TBC1D24: variants seen among roughly 807,000 people sequenced by gnomAD.
TBC1D24 encodes Infantile myoclonic epilepsy.
TBC1D24 carries 47 observed loss-of-function variants against 50.7 expected under a neutral mutation model. The ratio of observed to expected loss-of-function variants is 0.93; its 90% CI spans 0.73 to 1.18. The LOEUF is 1.18. TBC1D24 is among the 50% of genes most tolerant of loss of function. The pLI is 0.00. For synonymous variants in TBC1D24, 324 were observed against 335.2 expected (o/e 0.97, Z 0.36); for missense variants, 688 against 766.5 (o/e 0.90, Z 1.21).
intron 1 of TBC1D24, chr16:2,478,655 C>G (rs374022041): frequency 2.6e-5 from 4 of 152,210 alleles, no homozygotes; most frequent in East Asian, 1.9e-4. Flanking sequence ...CTAATACAGT[C>G]TTAAAGTCAG....
In TBC1D24 at chr16:2,496,882, T is replaced by C. The variant is rs370477379; in HGVS notation, c.734T>C (p.Leu245Pro). Residue 245 changes from leucine (L) to proline (P), a missense_variant, in exon 2 of 8, where the codon CTG becomes CCG. Leu to Pro is a moderately conservative substitution (Grantham distance 98). Coordinates refer to ENST00000646147, the MANE Select transcript of TBC1D24 (RefSeq NM_001199107.2). ...EGYKVLYRVA[L>P]AILKFFHKVR... ...TACAAGGTGCTGTACCGCGTGGCGCTGGCCATCCTCAAGTTCTTCCACAAG... is the reference window on the plus strand; with the variant it reads ...TACAAGGTGCTGTACCGCGTGGCGCCGGCCATCCTCAAGTTCTTCCACAAG... The C allele has an allele frequency of 5.0e-6, 8 of 1,614,128 alleles. No homozygotes were observed. The highest frequency in any genetic ancestry group is 6.8e-6 in the Non-Finnish European group (8 of 1,180,046).
At chr16:2,497,226 C>G (rs2065751582) in intron 2 of TBC1D24, 113 bp downstream of exon 2, 1 of 1,408,818 alleles carries the variant, frequency 7.1e-7, no homozygotes, top group African/African-American at 1.4e-5. Context: ...CATGGTCCAC[C>G]CAGCCATCTG....
intron 1 of TBC1D24, chr16:2,484,290 C>T (rs1318195598): frequency 6.6e-6 from 1 of 152,320 alleles, no homozygotes; most frequent in Non-Finnish European, 1.5e-5. Flanking sequence ...TGGTGGTGCC[C>T]TGTCACTATC....
Position 2,499,455 on chromosome 16 carries a change from A to G in TBC1D24, c.1206+35A>G. The G allele has an allele frequency of 6.3e-7, 1 of 1,578,660 alleles. No individual in the cohort carries two copies. The highest frequency in any genetic ancestry group is 8.7e-7 in the Non-Finnish European group (1 of 1,154,274). On this transcript the variant is annotated intron_variant, in intron 5 of 7. Transcript: ENST00000646147. The surrounding 1 kb of genome is among the most constrained non-coding windows in gnomAD (Gnocchi z 4.0). Reference sequence around the variant, plus strand: ...GGCCCTGGAGCCAGGGCTGGCTCTGATGGGCTCCAGGGCTGGCTCTGATGG... The same window carrying G: ...GGCCCTGGAGCCAGGGCTGGCTCTGGTGGGCTCCAGGGCTGGCTCTGATGG...
At position 2,499,362 on chromosome 16, in the gene TBC1D24, A is replaced by G; in HGVS notation, c.1148A>G (p.Tyr383Cys). The change falls in exon 5 of 8, where the codon TAC (tyrosine) becomes TGC (cysteine). Residue 383 changes from tyrosine (Y) to cysteine (C), a missense_variant. Physicochemically the swap from Tyr to Cys is radical, Grantham distance 194 (BLOSUM62 -2). Coordinates refer to ENST00000646147, the MANE Select transcript of TBC1D24 (RefSeq NM_001199107.2). The surrounding 1 kb of genome is among the most constrained non-coding windows in gnomAD (Gnocchi z 4.0). The part of the protein sequence containing the change: ...LQHGYSLARF[Y>C]FQCEGHEPTL... ...CATGCGTGTCTCTACGCCAGGTTCT[A>G]CTTCCAGTGTGAAGGACATGAGCCT... 1 of 1,613,216 alleles carries G rather than the reference A, an allele frequency of 6.2e-7. No homozygotes were observed. The highest frequency in any genetic ancestry group is 8.5e-7 in the Non-Finnish European group (1 of 1,179,700).
At position 2,483,352 on chromosome 16, in the gene TBC1D24, A is replaced by C. The variant is rs2065624210; in HGVS notation, c.-116+8182A>C. The C allele has an allele frequency of 6.6e-6, 1 of 152,228 alleles. No individual in the cohort carries two copies. The highest frequency in any genetic ancestry group is 1.5e-5 in the Non-Finnish European group (1 of 68,096). The allele number at this position is 152,228 out of a possible 1,614,324, so 9.4% of individuals were successfully genotyped here. A position where few individuals can be genotyped will look rare whatever the true frequency, so the allele number is the denominator to read the frequency against. ...GTGCCTCGGGCTCACTTCCTCGTGC[A>C]GTTTATCCATATGGCTGAGACAGGA... On this transcript the variant is annotated intron_variant, in intron 1 of 7. Transcript: ENST00000646147. This position sits in a 1 kb window ranked among gnomAD's most constrained non-coding sequence, Gnocchi z 4.0.
Position 2,501,119 on chromosome 16 carries a change from C to T in TBC1D24, c.*161C>T. The T allele has an allele frequency of 2.2e-6, 2 of 925,582 alleles. No individual in the cohort carries two copies. The highest frequency in any genetic ancestry group is 3.2e-6 in the Non-Finnish European group (2 of 621,308). 57.3% of individuals were successfully genotyped at this position (925,582 alleles called of 1,614,324 possible). ...TGGCGTTGCCTGGACCTGCTGCTGC[C>T]TCTACCTGGGGTTTGGGCTGGGCTT... is the stretch of plus-strand genomic sequence containing the variant. On this transcript the variant is annotated 3_prime_UTR_variant, in exon 8 of 8. Coordinates refer to ENST00000646147, the MANE Select transcript of TBC1D24 (RefSeq NM_001199107.2).
Position 2,499,404 on chromosome 16 carries a change from A to T in TBC1D24, c.1190A>T (p.Lys397Met). 2.5e-6 allele frequency: 4 copies of T among 1,613,644 alleles called. No homozygotes were observed. The highest frequency in any genetic ancestry group is 3.4e-6 in the Non-Finnish European group (4 of 1,179,860). ...EGHEPTLLLIKTTQKEVCGAY... is the reference protein window; with the variant it reads ...EGHEPTLLLIMTTQKEVCGAY... ...CATGAGCCTACCCTCTTGCTCATCA[A>T]GACCACGCAGAAGGAGGTGAGCAGG... Residue 397 changes from lysine to methionine, a missense_variant, in exon 5 of 8, where the codon AAG becomes ATG. By Grantham distance (95) the Lys-to-Met change is moderately conservative. Transcript: ENST00000646147. This position sits in a 1 kb window ranked among gnomAD's most constrained non-coding sequence, Gnocchi z 4.0.
chr16:2,493,955 CT>C (rs1336755415), intron 1 of TBC1D24, among the ~76,000 whole-genome samples: 1 of 152,252 alleles, frequency 6.6e-6, no homozygotes, highest in Non-Finnish European at 1.5e-5. Flanking sequence ...CCAGCTCTCC[CT>C]CTGGAAAATG....
At chr16:2,489,869 G>A (rs917394738) in intron 1 of TBC1D24, among the ~76,000 whole-genome samples, 26 of 152,316 alleles carry the variant, frequency 1.7e-4, no homozygotes, top group African/African-American at 5.5e-4. Context: ...AGTAAATCCC[G>A]CAACAGAACA....
At chr16:2,497,625 T>C (rs989781819) in intron 2 of TBC1D24, 85 bp from the exon 3 acceptor site, 3 of 1,367,210 alleles carry the variant, frequency 2.2e-6, no homozygotes, top group Non-Finnish European at 3.0e-6. Flanking sequence ...AGCAAAGGCC[T>C]GTCGGGGGAT....
rs2065771868 is a variant in TBC1D24, at chr16:2,499,427, A to G, written c.1206+7A>G. On this transcript the variant is annotated splice_region_variant and intron_variant, in intron 5 of 7. Transcript: ENST00000646147. The surrounding 1 kb of genome is among the most constrained non-coding windows in gnomAD (Gnocchi z 4.0). ...CAAGACCACGCAGAAGGAGGTGAGC[A>G]GGGGCCCTGGAGCCAGGGCTGGCTC... The G allele has an allele frequency of 1.2e-6, 2 of 1,612,826 alleles. No individual in the cohort carries two copies. Among genetic ancestry groups the G allele is most frequent in the Admixed American group, 1.7e-5 (1 of 59,910 alleles).
chr16:2,498,422 G>A (rs1450330045), intron 4 of TBC1D24, 26 bp downstream of exon 4: 1 of 1,585,076 alleles, frequency 6.3e-7, no homozygotes, highest in Non-Finnish European at 8.6e-7. Context: ...GCCAGAGCGG[G>A]CGGCAGAGCC....
chr16:2,498,180 G>A (rs2065759580), intron 3 of TBC1D24, 58 bp from the exon 4 acceptor site: 3 of 1,546,110 alleles, frequency 1.9e-6, no homozygotes, highest in Non-Finnish European at 2.6e-6. Flanking sequence ...ATACCTCGGG[G>A]GGCATGGCCT....
Position 2,500,931 on chromosome 16 carries a change from G to C in TBC1D24, c.1653G>C (p.Trp551Cys). 6.2e-7 allele frequency: 1 copy of C among 1,612,164 alleles called. No homozygotes were observed. Among genetic ancestry groups the C allele is most frequent in the Non-Finnish European group, 8.5e-7 (1 of 1,179,936 alleles). ...TCCTCATTGCTGCCGTGGAGGCCTG[G>C]GGCTTCCAGGACCCTGACACCCAGT... ...ENFLIAAVEAWGFQDPDTQ is the reference protein window; with the variant it reads ...ENFLIAAVEACGFQDPDTQ The change falls in exon 8 of 8, where the codon TGG (tryptophan) becomes TGC (cysteine). Residue 551 changes from tryptophan (W) to cysteine (C), a missense_variant. Transcript: ENST00000646147. The surrounding 1 kb of genome is among the most constrained non-coding windows in gnomAD (Gnocchi z 8.0).
chr16:2,498,302 A>T lies in TBC1D24; in HGVS notation c.1048A>T (p.Met350Leu). Residue 350 changes from methionine to leucine, a missense_variant, in exon 4 of 8, where the codon ATG becomes TTG. Met to Leu is a conservative substitution (Grantham distance 15). Coordinates refer to ENST00000646147, the MANE Select transcript of TBC1D24 (RefSeq NM_001199107.2). ...CTCGGAGATCGTCAGCGTGAGGGAG[A>T]TGAGAGACATCTGGTCCTGGGTCCC... ...FRSEIVSVRE[M>L]RDIWSWVPER... 1 of 1,611,670 alleles carries T rather than the reference A, an allele frequency of 6.2e-7. No homozygotes were observed. Among genetic ancestry groups the T allele is most frequent in the African/African-American group, 1.3e-5 (1 of 74,970 alleles).
At chr16:2,497,999 A>G (rs1269124538) in intron 3 of TBC1D24, among the ~76,000 whole-genome samples, 1 of 152,164 alleles carries the variant, frequency 6.6e-6, no homozygotes, top group Non-Finnish European at 1.5e-5. Flanking sequence ...TCTTAGAGAA[A>G]AGTTGCATTG....
chr16:2,500,002 G>A lies in TBC1D24; in HGVS notation c.1302+72G>A, dbSNP rs2065777784. On this transcript the variant is annotated intron_variant, in intron 6 of 7. Transcript: ENST00000646147. The surrounding 1 kb of genome is among the most constrained non-coding windows in gnomAD (Gnocchi z 8.0). ...TGCATCCCTCCAGGAGCACCCGCCT[G>A]CCCTGGGGACACTGTTGGGTGTCGC... 2.9e-6 allele frequency: 4 copies of A among 1,381,560 alleles called. No individual in the cohort carries two copies. The South Asian group carries it at 4.6e-5, about 16-fold the overall frequency. 85.6% of individuals were successfully genotyped at this position (1,381,560 alleles called of 1,614,324 possible).
rs9933725 is a variant in TBC1D24 at position 2,486,058 on chromosome 16, G to A, written c.-115-9976G>A. On this transcript the variant is annotated intron_variant, in intron 1 of 7. Transcript: ENST00000646147. The surrounding 1 kb of genome is among the most constrained non-coding windows in gnomAD (Gnocchi z 5.8). Reference sequence around the variant, plus strand: ...CCTCCCCTGCCTGGCGGGTGGGGTCGGTGCTCAGGAGCGGGTGGGGCCTGC... The same window carrying A: ...CCTCCCCTGCCTGGCGGGTGGGGTCAGTGCTCAGGAGCGGGTGGGGCCTGC... 2.0e-5 allele frequency among the ~76,000 whole-genome samples: 3 copies of A among 152,148 alleles called. No individual in the cohort carries two copies. The highest frequency in any genetic ancestry group is 2.9e-5 in the Non-Finnish European group (2 of 68,026).
Sources: gnomAD v4.1 joint callset for allele counts (sites outside exome capture counted in the v4.1 genomes callset) on GRCh38, gnomAD v4.1.1 for gene constraint, Gnocchi (gnomAD v3.1) non-coding constraint, MANE v1.5 for transcripts, NCBI Gene and HGNC (gene_info 2026-07-23, HGNC 2026-07-21) for gene names.